PGGT1B: variants seen among roughly 807,000 people sequenced by gnomAD.
PGGT1B encodes the protein protein geranylgeranyltransferase type I subunit beta, also known as geranylgeranyl transferase type-1 subunit beta.
PGGT1B carries 30 observed loss-of-function variants against 46.1 expected under a neutral mutation model. The ratio of observed to expected loss-of-function variants is 0.65; its 90% CI spans 0.49 to 0.88. The LOEUF is 0.88. PGGT1B is among the 40% of genes least tolerant of loss of function. PGGT1B has a pLI of 0.00. For missense variants in PGGT1B, 376 were observed against 455.9 expected, an observed-to-expected ratio of 0.82 and a Z score of 1.60; for synonymous variants, 170 against 160.0, an observed-to-expected ratio of 1.06 and a Z score of -0.47.
rs760735191 is a variant in PGGT1B at position 115,216,815 on chromosome 5, G to A, written c.952+50C>T. The stretch of plus-strand genomic sequence containing the variant: ...GCCTTTTCTGATAAAGATGCTTGAA[G>A]ATCTATTCAGGAAATAAAGGTTGTT... On this transcript the variant is annotated intron_variant, in intron 8 of 8. Coordinates refer to ENST00000419445, the MANE Select transcript of PGGT1B (RefSeq NM_005023.4). The A allele has an allele frequency of 4.5e-6, 4 of 880,870 alleles. No homozygotes were observed. In the African/African-American group the frequency reaches 6.7e-5, roughly 15 times the overall value. 54.6% of individuals were successfully genotyped at this position (880,870 alleles called of 1,614,324 possible).
At chr5:115,215,764 C>T (rs1359721137) in intron 8 of PGGT1B, among the ~76,000 whole-genome samples, 1 of 152,156 alleles carries the variant, frequency 6.6e-6, no homozygotes, top group Non-Finnish European at 1.5e-5. Flanking sequence ...TGATGAGGCA[C>T]TTTCCAGGCT....
chr5:115,224,877 A>G (rs1022462142), intron 6 of PGGT1B, among the ~76,000 whole-genome samples: 1 of 151,910 alleles, frequency 6.6e-6, no homozygotes, highest in Non-Finnish European at 1.5e-5. Context: ...AAGAGTGTTA[A>G]AGGCAGACAT....
In PGGT1B at chr5:115,208,711, T is replaced by C. The variant is rs1457787064; in HGVS notation, c.*3691A>G. 6.6e-6 allele frequency: 1 copy of C among 152,008 alleles called. No homozygotes were observed. Among genetic ancestry groups the C allele is most frequent in the Non-Finnish European group, 1.5e-5 (1 of 67,942 alleles). 9.4% of individuals were successfully genotyped at this position (152,008 alleles called of 1,614,324 possible). A position where few individuals can be genotyped will look rare whatever the true frequency, so the allele number is the denominator to read the frequency against. ...CTCTATTGTTTTGGTTTTCTACTAGTAATTCTTTTTTGCTTTTATTAATTC... is the reference window on the plus strand; with the variant it reads ...CTCTATTGTTTTGGTTTTCTACTAGCAATTCTTTTTTGCTTTTATTAATTC... On this transcript the variant is annotated 3_prime_UTR_variant, in exon 9 of 9. Coordinates refer to ENST00000419445, the MANE Select transcript of PGGT1B (RefSeq NM_005023.4).
At chr5:115,241,355 G>C (rs1159264374) in intron 3 of PGGT1B, among the ~76,000 whole-genome samples, 184 bp downstream of exon 3, 1 of 152,120 alleles carries the variant, frequency 6.6e-6, no homozygotes, top group Non-Finnish European at 1.5e-5. Flanking sequence ...CTTCTTTGAG[G>C]AAGTAAAGTA....
chr5:115,238,357 G>A lies in PGGT1B; in HGVS notation c.328-348C>T, dbSNP rs545133818. 7.9e-5 allele frequency among the ~76,000 whole-genome samples: 9 copies of A among 114,024 alleles called. No individual in the cohort carries two copies. The South Asian group carries it at 2.6e-3, about 34-fold the overall frequency. 74.8% of individuals were successfully genotyped at this position (114,024 alleles called of 152,430 possible). A position where few individuals can be genotyped will look rare whatever the true frequency, so the allele number is the denominator to read the frequency against. On this transcript the variant is annotated intron_variant, in intron 3 of 8. Coordinates refer to ENST00000419445, the MANE Select transcript of PGGT1B (RefSeq NM_005023.4). ...TCTTATCTGTCACCCAGGCTGGACT[G>A]TAGTGGTGCAATCATAGCTCACTGC... is the stretch of plus-strand genomic sequence containing the variant.
chr5:115,243,423 G>C (rs987279617), intron 2 of PGGT1B, among the ~76,000 whole-genome samples: 2 of 152,060 alleles, frequency 1.3e-5, no homozygotes, highest in Non-Finnish European at 2.9e-5. Context: ...ATTTGATCAA[G>C]TTAAGCAAAA....
At position 115,248,547 on chromosome 5, in the gene PGGT1B, G is replaced by A. The variant is rs554457151; in HGVS notation, c.259+4590C>T. On this transcript the variant is annotated intron_variant, in intron 2 of 8. Coordinates refer to ENST00000419445, the MANE Select transcript of PGGT1B (RefSeq NM_005023.4). ...CGAATACTTCCCTCCTGAAGTTAATGAGAAGGACCCGATCCTCCAGTGGTC... is the reference window on the plus strand; with the variant it reads ...CGAATACTTCCCTCCTGAAGTTAATAAGAAGGACCCGATCCTCCAGTGGTC... Among the ~76,000 whole-genome samples the A allele has an allele frequency of 5.3e-5, 8 of 152,274 alleles. No homozygotes were observed. The South Asian group carries it at 1.7e-3, about 32-fold the overall frequency.
rs145138898 is a variant in PGGT1B at position 115,248,007 on chromosome 5, T to A, written c.259+5130A>T. On this transcript the variant is annotated intron_variant, in intron 2 of 8. Transcript: ENST00000419445. ...TTTAAAATATGCAACACGCTTGACT[T>A]AGCCACATGAAACCATACTTACTTC... Among the ~76,000 whole-genome samples, 318 of 152,316 alleles carry A rather than the reference T, an allele frequency of 2.1e-3. 1 individual carries two copies. The highest frequency in any genetic ancestry group is 7.2e-3 in the African/African-American group (299 of 41,564).
chr5:115,258,153 A>G lies in PGGT1B; in HGVS notation c.140+4559T>C, dbSNP rs892535003. On this transcript the variant is annotated intron_variant, in intron 1 of 8. Coordinates refer to ENST00000419445, the MANE Select transcript of PGGT1B (RefSeq NM_005023.4). Reference sequence around the variant, plus strand: ...CTACTACAGACTAGATGTCACCACAAAAATGAATAAAGCTTCCTAACCTTA... The same window carrying G: ...CTACTACAGACTAGATGTCACCACAGAAATGAATAAAGCTTCCTAACCTTA... Among the ~76,000 whole-genome samples the G allele has an allele frequency of 8.5e-5, 13 of 152,352 alleles. 1 individual carries two copies. The highest frequency in any genetic ancestry group is 8.5e-4 in the Admixed American group (13 of 15,304).
rs141309087 is a variant in PGGT1B, at chr5:115,253,201, A to T, written c.195T>A (p.Asp65Glu). Residue 65 changes from aspartate to glutamate, a missense_variant, in exon 2 of 9, where the codon GAT becomes GAA. Physicochemically the swap from Asp to Glu is conservative, Grantham distance 45. Around this residue, in one of 2 missense-constraint regions of PGGT1B, gnomAD observed 154 missense variants for 142.3 expected, o/e 1.08. Transcript: ENST00000419445. Reference protein sequence around the residue: ...LSGLDMLDSLDVVNKDDIIEW... With the variant: ...LSGLDMLDSLEVVNKDDIIEW... Reference sequence around the variant, plus strand: ...CTATTATATCATCTTTGTTCACCACATCTAAGGAATCCAACATATCCAGCC... The same window carrying T: ...CTATTATATCATCTTTGTTCACCACTTCTAAGGAATCCAACATATCCAGCC... 53 of 1,601,988 alleles carry T rather than the reference A, an allele frequency of 3.3e-5. No homozygotes were observed. The African/African-American group carries it at 6.3e-4, about 19-fold the overall frequency.
Position 115,204,416 on chromosome 5 carries a change from G to C in PGGT1B, c.*7986C>G, listed in dbSNP as rs1428041957. On this transcript the variant is annotated 3_prime_UTR_variant, in exon 9 of 9. Coordinates refer to ENST00000419445, the MANE Select transcript of PGGT1B (RefSeq NM_005023.4). ...AACTAGTGCTCTAAGTCCTGCTTTA[G>C]TGGAGAGACATTATTCTGATTTCAC... 6.6e-6 allele frequency: 1 copy of C among 152,126 alleles called. No homozygotes were observed. Among genetic ancestry groups the C allele is most frequent in the Non-Finnish European group, 1.5e-5 (1 of 68,032 alleles). 9.4% of individuals were successfully genotyped at this position (152,126 alleles called of 1,614,324 possible). A position where few individuals can be genotyped will look rare whatever the true frequency, so the allele number is the denominator to read the frequency against.
chr5:115,221,255 A>T (rs749765845), intron 7 of PGGT1B, among the ~76,000 whole-genome samples: 2 of 152,080 alleles, frequency 1.3e-5, no homozygotes, highest in Non-Finnish European at 2.9e-5. Flanking sequence ...ACTTTAAGAC[A>T]GAGAAAACTT....
chr5:115,209,561 T>C lies in PGGT1B; in HGVS notation c.*2841A>G, dbSNP rs1015370547. 2 of 152,054 alleles carry C rather than the reference T, an allele frequency of 1.3e-5. No individual in the cohort carries two copies. Among genetic ancestry groups the C allele is most frequent in the Non-Finnish European group, 2.9e-5 (2 of 67,982 alleles). 9.4% of individuals were successfully genotyped at this position (152,054 alleles called of 1,614,324 possible). ...GTGGTTTGTCCTCACTTAGTTGTATTTTGAAGTTCATAGAGATACCTTGTC... is the reference window on the plus strand; with the variant it reads ...GTGGTTTGTCCTCACTTAGTTGTATCTTGAAGTTCATAGAGATACCTTGTC... On this transcript the variant is annotated 3_prime_UTR_variant, in exon 9 of 9. Coordinates refer to ENST00000419445, the MANE Select transcript of PGGT1B (RefSeq NM_005023.4).
At chr5:115,233,686 T>C (rs1352590746) in intron 5 of PGGT1B, among the ~76,000 whole-genome samples, 1 of 151,020 alleles carries the variant, frequency 6.6e-6, no homozygotes, top group Non-Finnish European at 1.5e-5. Context: ...ATAAAAGAAA[T>C]AATAAAATGA....
At chr5:115,219,529 G>A (rs963138412) in intron 7 of PGGT1B, among the ~76,000 whole-genome samples, 6 of 151,836 alleles carry the variant, frequency 4.0e-5, no homozygotes, top group African/African-American at 1.4e-4. Context: ...CTTTACGACC[G>A]TGGATTCAGC....
At position 115,217,137 on chromosome 5, in the gene PGGT1B, T is replaced by C. The variant is rs116340640; in HGVS notation, c.844-164A>G. 3.3e-3 allele frequency among the ~76,000 whole-genome samples: 498 copies of C among 152,316 alleles called. 3 individuals are homozygous for C. Among genetic ancestry groups the C allele is most frequent in the African/African-American group, 0.011 (476 of 41,578 alleles). On this transcript the variant is annotated intron_variant, in intron 7 of 8. Transcript: ENST00000419445. ...TTTGAAATGAGTAAATCACATTAAC[T>C]TTTTAATTTTCTTATCAAATCTACT...
chr5:115,237,745 T>A, intron 4 of PGGT1B, 113 bp downstream of exon 4: 1 of 791,884 alleles, frequency 1.3e-6, no homozygotes, highest in Non-Finnish European at 1.9e-6. Context: ...AAGCTTTAGG[T>A]GGGGTTCTAA....
intron 5 of PGGT1B, among the ~76,000 whole-genome samples, chr5:115,234,506 C>T (rs570512228): frequency 2.0e-5 from 3 of 151,774 alleles, no homozygotes; most frequent in Admixed American, 1.3e-4. Flanking sequence ...ATAAAGTCAA[C>T]GAAGTTGTGG....
intron 6 of PGGT1B, among the ~76,000 whole-genome samples, chr5:115,222,992 T>C (rs1420637783): frequency 2.6e-5 from 4 of 151,868 alleles, no homozygotes; most frequent in African/African-American, 7.3e-5. Flanking sequence ...TGGGGAAGGA[T>C]AGCATTAGGA....
Sources: allele counts gnomAD v4.1 joint callset (sites outside exome capture counted in the v4.1 genomes callset), GRCh38; gene constraint gnomAD v4.1.1; regional missense constraint gnomAD v4.1.1; transcripts MANE v1.5; gene names NCBI Gene and HGNC (gene_info 2026-07-23, HGNC 2026-07-21).